ATP8A2: variants seen among roughly 807,000 people sequenced by gnomAD.
ATP8A2 encodes the protein ATPase phospholipid transporting 8A2, also known as phospholipid-transporting ATPase IB.
Under a neutral mutation model 165.6 loss-of-function variants are expected in ATP8A2, and 100 were observed. That is an observed-to-expected ratio of 0.60 (90% CI 0.51 to 0.71). ATP8A2 has a LOEUF of 0.71. Among genes scored for constraint, ATP8A2 ranks in the 30% least tolerant of loss-of-function variants. ATP8A2 has a pLI of 0.00. For synonymous variants in ATP8A2, 543 were observed against 548.8 expected, an observed-to-expected ratio of 0.99 and a Z score of 0.15; for missense variants, 1,227 against 1,479.5, an observed-to-expected ratio of 0.83 and a Z score of 2.80.
chr13:25,466,935 G>T (rs2137509275), intron 1 of ATP8A2, among the ~76,000 whole-genome samples: 1 of 152,316 alleles, frequency 6.6e-6, no homozygotes, highest in Admixed American at 6.5e-5. Context: ...AGAGAGAAAA[G>T]CAGTACTTCC....
chr13:25,493,428 G>C (rs1306568516), intron 2 of ATP8A2, among the ~76,000 whole-genome samples: 1 of 152,036 alleles, frequency 6.6e-6, no homozygotes, highest in Non-Finnish European at 1.5e-5. Context: ...CCATTTGTTG[G>C]TGTAACTTTT....
intron 2 of ATP8A2, among the ~76,000 whole-genome samples, chr13:25,523,085 T>A (rs1593455494): frequency 6.7e-6 from 1 of 149,106 alleles, no homozygotes; most frequent in East Asian, 2.0e-4. Context: ...ACTACTGCCG[T>A]CCAGCCTGGG....
intron 1 of ATP8A2, among the ~76,000 whole-genome samples, chr13:25,444,193 A>G (rs1010341434): frequency 6.6e-6 from 1 of 152,140 alleles, no homozygotes; most frequent in African/African-American, 2.4e-5. Context: ...TACAGTATGC[A>G]CTTTTTTGGT....
intron 28 of ATP8A2, among the ~76,000 whole-genome samples, chr13:25,831,869 G>T (rs1951482903): frequency 6.6e-6 from 1 of 151,882 alleles, no homozygotes; most frequent in African/African-American, 2.4e-5. Context: ...ACAAGAAACA[G>T]GCTTCTTCCT....
intron 1 of ATP8A2, among the ~76,000 whole-genome samples, chr13:25,450,522 T>C (rs1195979420): frequency 1.5e-5 from 2 of 130,114 alleles, no homozygotes; most frequent in Non-Finnish European, 3.5e-5. Context: ...CCATTCTGAC[T>C]GGTCTTTGTG....
At chr13:25,853,424 G>T (rs867634567) in intron 30 of ATP8A2, among the ~76,000 whole-genome samples, 890 of 80,460 alleles carry the variant, frequency 0.011, 12 homozygotes, top group African/African-American at 0.039. Context: ...TATATATATA[G>T]AATTTCTTAT....
chr13:26,012,061 G>T (rs897379289), intron 35 of ATP8A2, among the ~76,000 whole-genome samples: 2 of 98,808 alleles, frequency 2.0e-5, no homozygotes, highest in African/African-American at 7.0e-5. Context: ...GTCTGTTTTA[G>T]AAGAAAACTC....
chr13:25,465,719 C>CT lies in ATP8A2; in HGVS notation c.77-3255dup, dbSNP rs1220700622. On this transcript the variant is annotated intron_variant, in intron 1 of 36. Transcript: ENST00000381655. ...TCTTTCTTTCTTTCTTTCTTTCTTT[C>CT]TTTCTTTCTTTCTTTCTTTCCCTCC... Among the ~76,000 whole-genome samples the CT allele has an allele frequency of 1.4e-3, 58 of 40,296 alleles. 5 individuals are homozygous for CT. The highest frequency in any genetic ancestry group is 2.2e-3 in the Non-Finnish European group (44 of 20,130). 26.4% of individuals were successfully genotyped at this position (40,296 alleles called of 152,430 possible).
intron 35 of ATP8A2, among the ~76,000 whole-genome samples, chr13:25,973,729 A>G (rs1955964147): frequency 6.6e-6 from 1 of 152,244 alleles, no homozygotes; most frequent in Admixed American, 6.5e-5. Flanking sequence ...AGTCAAAATC[A>G]GTCCCACTGC....
At chr13:25,690,923 A>G (rs1026218177) in intron 24 of ATP8A2, among the ~76,000 whole-genome samples, 2 of 152,234 alleles carry the variant, frequency 1.3e-5, no homozygotes, top group African/African-American at 2.4e-5. Flanking sequence ...TATTCATAAT[A>G]TCCTCAAAGT....
chr13:25,702,846 T>C (rs1011234687), intron 25 of ATP8A2, among the ~76,000 whole-genome samples: 1 of 152,144 alleles, frequency 6.6e-6, no homozygotes, highest in Non-Finnish European at 1.5e-5. Context: ...TCTCTTTTTC[T>C]TCTGTGGCAC....
At chr13:25,999,862 C>T (rs1464684051) in intron 35 of ATP8A2, among the ~76,000 whole-genome samples, 1 of 152,122 alleles carries the variant, frequency 6.6e-6, no homozygotes, top group Non-Finnish European at 1.5e-5. Context: ...CTCGTAGTTC[C>T]GTGGTATATA....
At chr13:25,855,060 G>C (rs1490238977) in intron 30 of ATP8A2, among the ~76,000 whole-genome samples, 1 of 152,198 alleles carries the variant, frequency 6.6e-6, no homozygotes, top group South Asian at 2.1e-4. Context: ...AGACCAGCCT[G>C]ACCAACATGG....
intron 6 of ATP8A2, among the ~76,000 whole-genome samples, chr13:25,535,686 G>T (rs1203477989): frequency 6.6e-6 from 1 of 152,000 alleles, no homozygotes; most frequent in Non-Finnish European, 1.5e-5. Flanking sequence ...GTGGTGGTGC[G>T]TGTCTGTAAT....
intron 30 of ATP8A2, among the ~76,000 whole-genome samples, chr13:25,848,803 A>G (rs1476418406): frequency 1.3e-5 from 2 of 152,350 alleles, no homozygotes; most frequent in Non-Finnish European, 2.9e-5. Context: ...TTTTCTCTTC[A>G]TGAATTCATA....
At chr13:25,818,647 G>A (rs1008532447) in intron 27 of ATP8A2, among the ~76,000 whole-genome samples, 3 of 152,130 alleles carry the variant, frequency 2.0e-5, no homozygotes, top group African/African-American at 7.2e-5. Flanking sequence ...ATACACTTTA[G>A]CCTGTATCAT....
At chr13:25,424,639 A>G (rs2034392236) in intron 1 of ATP8A2, among the ~76,000 whole-genome samples, 1 of 152,182 alleles carries the variant, frequency 6.6e-6, no homozygotes, top group Non-Finnish European at 1.5e-5. Flanking sequence ...TTCTTTTTGG[A>G]AACAAGTTCA....
intron 25 of ATP8A2, among the ~76,000 whole-genome samples, chr13:25,708,266 A>T (rs2043093324): frequency 6.6e-6 from 1 of 152,174 alleles, no homozygotes; most frequent in South Asian, 2.1e-4. Flanking sequence ...ATGAATATTT[A>T]TGTCCCCAAG....
chr13:25,684,074 A>G (rs2042550210), intron 24 of ATP8A2, among the ~76,000 whole-genome samples: 1 of 152,262 alleles, frequency 6.6e-6, no homozygotes, highest in African/African-American at 2.4e-5. Context: ...AGAGGAAACA[A>G]AATTTCTAAC....
Sources: gnomAD v4.1 joint callset for allele counts (sites outside exome capture counted in the v4.1 genomes callset) on GRCh38, gnomAD v4.1.1 for gene constraint, MANE v1.5 for transcripts, NCBI Gene and HGNC (gene_info 2026-07-23, HGNC 2026-07-21) for gene names.